The following SPAG16 variants were observed in gnomAD, a reference collection of about 807,000 sequenced individuals.
SPAG16 encodes sperm associated antigen 16, also known as sperm-associated antigen 16 protein.
SPAG16 carries 86 observed loss-of-function variants against 80.4 expected under a neutral mutation model. The ratio of observed to expected loss-of-function variants is 1.07; its 90% CI spans 0.90 to 1.28. The LOEUF is 1.28. SPAG16 is among the 50% of genes most tolerant of loss of function. The pLI is 0.00. For missense variants in SPAG16, 870 were observed against 765.3 expected (o/e 1.14, Z -1.61); for synonymous variants, 294 against 265.9 (o/e 1.11, Z -1.03).
intron 11 of SPAG16, among the ~76,000 whole-genome samples, chr2:213,922,411 A>C (rs1235688202): frequency 6.6e-6 from 1 of 152,020 alleles, no homozygotes. Flanking sequence ...GGCTATTTTG[A>C]CTATCAGCTC....
At chr2:213,401,480 G>A (rs1045532237) in intron 9 of SPAG16, among the ~76,000 whole-genome samples, 7 of 152,072 alleles carry the variant, frequency 4.6e-5, no homozygotes, top group Admixed American at 2.0e-4. Context: ...GGTGATCTTG[G>A]ATTAAAGGAT....
intron 15 of SPAG16, among the ~76,000 whole-genome samples, chr2:214,325,561 C>G (rs1226704210): frequency 4.0e-5 from 6 of 151,876 alleles, no homozygotes; most frequent in African/African-American, 1.5e-4. Context: ...AATCTAGTAA[C>G]CTAAACCAGA....
At chr2:213,977,411 A>G (rs2045468867) in intron 12 of SPAG16, among the ~76,000 whole-genome samples, 1 of 151,642 alleles carries the variant, frequency 6.6e-6, no homozygotes, top group Admixed American at 6.6e-5. Flanking sequence ...TTTCCTCTCT[A>G]TCTAGAGATA....
In SPAG16 at chr2:213,746,528, G is replaced by A. The variant is rs956207549; in HGVS notation, c.1071-115957G>A. ...GTTATATAAAAGTATAGCACAGTCC[G>A]GGTGCGGTGGCTCATGCCTGTAATC... On this transcript the variant is annotated intron_variant, in intron 10 of 15. Coordinates refer to ENST00000331683, the MANE Select transcript of SPAG16 (RefSeq NM_024532.5). 5.9e-5 allele frequency among the ~76,000 whole-genome samples: 9 copies of A among 152,038 alleles called. 1 individual carries two copies. The highest frequency in any genetic ancestry group is 4.2e-4 in the South Asian group (2 of 4,816).
intron 10 of SPAG16, among the ~76,000 whole-genome samples, chr2:213,749,087 C>T (rs1337839997): frequency 2.0e-5 from 3 of 152,072 alleles, no homozygotes; most frequent in Non-Finnish European, 4.4e-5. Context: ...GCGGAGGTTG[C>T]AGTGAGCCGA....
chr2:214,288,673 G>T (rs1374361981), intron 15 of SPAG16, among the ~76,000 whole-genome samples: 2 of 151,952 alleles, frequency 1.3e-5, no homozygotes, highest in Non-Finnish European at 2.9e-5. Flanking sequence ...TCATTTCCCT[G>T]CTGGTTAGCA....
intron 9 of SPAG16, among the ~76,000 whole-genome samples, chr2:213,416,357 G>A (rs758133909): frequency 5.3e-5 from 8 of 152,114 alleles, no homozygotes; most frequent in Non-Finnish European, 1.0e-4. Context: ...GATGAGACTC[G>A]GGGTAGGGTC....
chr2:213,513,566 C>T (rs1427535569), intron 10 of SPAG16, among the ~76,000 whole-genome samples: 1 of 151,978 alleles, frequency 6.6e-6, no homozygotes, highest in Non-Finnish European at 1.5e-5. Flanking sequence ...CTGGTGTCTT[C>T]GACACATGAC....
chr2:214,167,994 C>CTTTTT (rs202075837), intron 15 of SPAG16, among the ~76,000 whole-genome samples: 18 of 133,058 alleles, frequency 1.4e-4, no homozygotes, highest in African/African-American at 4.1e-4. Context: ...TTCTTTTTCT[C>CTTTTT]TTTTTTTTTT....
intron 5 of SPAG16, among the ~76,000 whole-genome samples, chr2:213,318,722 G>A (rs1458332767): frequency 6.6e-6 from 1 of 151,910 alleles, no homozygotes; most frequent in Non-Finnish European, 1.5e-5. Flanking sequence ...TTGAATAGCA[G>A]CCTTGACTTT....
chr2:213,929,862 G>C, intron 11 of SPAG16, 98 bp from the exon 12 acceptor site: 1 of 1,033,146 alleles, frequency 9.7e-7, no homozygotes, highest in Non-Finnish European at 1.4e-6. Context: ...AAATAAATCA[G>C]ATACATACAC....
intron 13 of SPAG16, among the ~76,000 whole-genome samples, chr2:214,066,627 A>G (rs1469793134): frequency 6.6e-6 from 1 of 152,204 alleles, no homozygotes; most frequent in African/African-American, 2.4e-5. Flanking sequence ...TTGCAGCAAC[A>G]AAATATTCAA....
intron 10 of SPAG16, among the ~76,000 whole-genome samples, chr2:213,676,948 A>C (rs1457224817): frequency 1.3e-5 from 2 of 151,582 alleles, no homozygotes; most frequent in East Asian, 1.9e-4. Context: ...GAATAGTTTC[A>C]GAAGGAATGG....
chr2:213,325,932 C>T (rs1041593559), intron 5 of SPAG16, among the ~76,000 whole-genome samples: 2 of 151,924 alleles, frequency 1.3e-5, no homozygotes, highest in African/African-American at 2.4e-5. Context: ...AAACTTTTGG[C>T]TCTTTAGTTA....
chr2:213,816,528 T>C (rs930104505), intron 10 of SPAG16, among the ~76,000 whole-genome samples: 1 of 152,150 alleles, frequency 6.6e-6, no homozygotes, highest in Non-Finnish European at 1.5e-5. Flanking sequence ...ATATGTCATT[T>C]GTAATAAAGT....
intron 15 of SPAG16, among the ~76,000 whole-genome samples, chr2:214,221,308 ACTTAT>A (rs997563257): frequency 7.9e-5 from 12 of 151,978 alleles, no homozygotes; most frequent in East Asian, 5.8e-4. Context: ...TTTCTTTGTA[ACTTAT>A]CTTATTTCTT....
intron 10 of SPAG16, among the ~76,000 whole-genome samples, chr2:213,528,985 T>C (rs1243219672): frequency 1.3e-5 from 2 of 152,152 alleles, no homozygotes; most frequent in Admixed American, 1.3e-4. Flanking sequence ...TTATGTAACA[T>C]GATACTTGGT....
At chr2:213,566,009 A>G (rs2059750698) in intron 10 of SPAG16, among the ~76,000 whole-genome samples, 1 of 152,152 alleles carries the variant, frequency 6.6e-6, no homozygotes, top group Non-Finnish European at 1.5e-5. Flanking sequence ...AGCCCAGGAG[A>G]ATGGGAATAG....
chr2:213,363,864 TA>T (rs2066132499), intron 7 of SPAG16, among the ~76,000 whole-genome samples: 1 of 152,094 alleles, frequency 6.6e-6, no homozygotes. Context: ...TTACCTAAAA[TA>T]AGTAATTAAT....
Sources: gnomAD v4.1 joint callset for allele counts (sites outside exome capture counted in the v4.1 genomes callset) on GRCh38, gnomAD v4.1.1 for gene constraint, MANE v1.5 for transcripts, NCBI Gene and HGNC (gene_info 2026-07-23, HGNC 2026-07-21) for gene names.